The following SPNS3 variants were observed in gnomAD, a reference collection of about 807,000 sequenced individuals.
The protein encoded by SPNS3 is SPNS lysolipid transporter 3, sphingosine-1-phosphate (putative), also known as protein spinster homolog 3.
In SPNS3, 51 loss-of-function variants were observed where a neutral mutation model predicts 54.4. The observed-to-expected ratio is 0.94, with a 90% CI of 0.75 to 1.18. SPNS3 has a LOEUF of 1.18. SPNS3 is among the 50% of genes most tolerant of loss of function. SPNS3 has a pLI of 0.00. For missense variants in SPNS3, 669 were observed against 677.4 expected (o/e 0.99, Z 0.14); for synonymous variants, 309 against 294.7 (o/e 1.05, Z -0.50).
chr17:4,438,859 G>A (rs1368250792), intron 1 of SPNS3, among the ~76,000 whole-genome samples: 2 of 152,142 alleles, frequency 1.3e-5, no homozygotes, highest in African/African-American at 4.8e-5. Context: ...CAGGCCTCTG[G>A]GTGCACATCT....
chr17:4,455,233 G>A (rs924804442), intron 8 of SPNS3, among the ~76,000 whole-genome samples: 14 of 152,150 alleles, frequency 9.2e-5, no homozygotes, highest in Middle Eastern at 3.2e-3. Context: ...GCTTCTATCC[G>A]GACCAGAAAA....
At chr17:4,445,897 G>A in intron 3 of SPNS3, 151 bp from the exon 4 acceptor site, 2 of 831,848 alleles carry the variant, frequency 2.4e-6, no homozygotes, top group Non-Finnish European at 3.5e-6. Flanking sequence ...TTGGGAACCT[G>A]GAGTGGAGAG....
intron 9 of SPNS3, chr17:4,485,114 C>T (rs1972276359): frequency 6.6e-6 from 1 of 152,140 alleles, no homozygotes; most frequent in Non-Finnish European, 1.5e-5. Flanking sequence ...CCAGCTGGAC[C>T]AGAGAGTGGA....
chr17:4,436,692 T>C (rs930376147), intron 1 of SPNS3, among the ~76,000 whole-genome samples: 3 of 152,206 alleles, frequency 2.0e-5, no homozygotes, highest in Non-Finnish European at 2.9e-5. Context: ...ACAGAGCTTC[T>C]TGGGTGCCAG....
intron 9 of SPNS3, among the ~76,000 whole-genome samples, chr17:4,485,440 C>T (rs1972286401): frequency 6.6e-6 from 1 of 151,360 alleles, no homozygotes; most frequent in Non-Finnish European, 1.5e-5. Context: ...TCTTGTTGCC[C>T]AGGTTGGATT....
At chr17:4,444,954 C>A in intron 2 of SPNS3, 78 bp from the exon 3 acceptor site, 1 of 1,521,180 alleles carries the variant, frequency 6.6e-7, no homozygotes, top group South Asian at 1.3e-5. Context: ...GAGTCAGGCT[C>A]CTTCCCTGGG....
At chr17:4,477,298 G>A (rs1272366485) in intron 8 of SPNS3, among the ~76,000 whole-genome samples, 2 of 152,230 alleles carry the variant, frequency 1.3e-5, no homozygotes, top group African/African-American at 2.4e-5. Context: ...TCACAAGAGA[G>A]GACAGGGCTG....
intron 8 of SPNS3, among the ~76,000 whole-genome samples, chr17:4,466,864 C>CAT (rs1971690044): frequency 6.6e-6 from 1 of 151,894 alleles, no homozygotes; most frequent in Non-Finnish European, 1.5e-5. Context: ...CAAACAAACA[C>CAT]CATAGTATGT....
At chr17:4,440,037 C>A (rs538594913) in intron 2 of SPNS3, among the ~76,000 whole-genome samples, 2 of 152,222 alleles carry the variant, frequency 1.3e-5, no homozygotes, top group South Asian at 2.1e-4. Context: ...CAGCGGTGCA[C>A]CAGAGGCTTG....
rs1970655848 is a variant in SPNS3, at chr17:4,434,160, A to G, written c.193A>G (p.Ile65Val). The G allele has an allele frequency of 3.1e-6, 5 of 1,608,938 alleles. No individual in the cohort carries two copies. The African/African-American group carries it at 6.7e-5, about 22-fold the overall frequency. The change falls in exon 1 of 12, where the codon ATT becomes GTT. Residue 65 changes from isoleucine (I) to valine (V), a missense_variant. Ile to Val is a conservative substitution (Grantham distance 29). Transcript: ENST00000355530. ...NLLNYMNWFI[I>V]AGVLLDIQEV... Reference sequence around the variant, plus strand: ...CCTGAATTACATGAACTGGTTCATCATTGCAGGTGAGGAGGGGATGGCTAC... The same window carrying G: ...CCTGAATTACATGAACTGGTTCATCGTTGCAGGTGAGGAGGGGATGGCTAC...
chr17:4,435,008 T>A (rs920239060), intron 1 of SPNS3, among the ~76,000 whole-genome samples: 2 of 147,052 alleles, frequency 1.4e-5, no homozygotes, highest in African/African-American at 2.5e-5. Context: ...TTGCCGTGTA[T>A]GCCAGGCTGT....
chr17:4,438,145 A>G (rs1970761130), intron 1 of SPNS3, among the ~76,000 whole-genome samples: 1 of 152,084 alleles, frequency 6.6e-6, no homozygotes, highest in East Asian at 1.9e-4. Context: ...TGCATGGGGC[A>G]GCTCTTAGAG....
At position 4,488,072 on chromosome 17, in the gene SPNS3, A is replaced by G; in HGVS notation, c.*178A>G. The G allele has an allele frequency of 1.6e-6, 1 of 624,696 alleles. No homozygotes were observed. The highest frequency in any genetic ancestry group is 2.8e-6 in the Non-Finnish European group (1 of 355,616). 38.7% of individuals were successfully genotyped at this position (624,696 alleles called of 1,614,324 possible). ...CTGGGCTGGGAATGGAGCTGTCAGC[A>G]CTCTGCGTGGGAGGCCTGGGCCTGT... On this transcript the variant is annotated 3_prime_UTR_variant, in exon 12 of 12. Coordinates refer to ENST00000355530, the MANE Select transcript of SPNS3 (RefSeq NM_182538.5).
intron 8 of SPNS3, among the ~76,000 whole-genome samples, chr17:4,455,940 G>A (rs1464976895): frequency 1.3e-5 from 2 of 151,792 alleles, no homozygotes; most frequent in East Asian, 3.9e-4. Flanking sequence ...AGTGTCACCT[G>A]AAGCCCCTCA....
At chr17:4,462,751 A>AC (rs1971561681) in intron 8 of SPNS3, among the ~76,000 whole-genome samples, 2 of 128,566 alleles carry the variant, frequency 1.6e-5, no homozygotes, top group African/African-American at 6.6e-5. Flanking sequence ...CCATCCATCC[A>AC]CCAATCCATC....
At chr17:4,448,562 C>T (rs756027672) in intron 6 of SPNS3, among the ~76,000 whole-genome samples, 1 of 152,246 alleles carries the variant, frequency 6.6e-6, no homozygotes, top group Non-Finnish European at 1.5e-5. Flanking sequence ...TCCCTCTGCC[C>T]TGCCCATAAG....
Position 4,439,736 on chromosome 17 carries a change from C to A in SPNS3, c.265+13C>A, listed in dbSNP as rs778275652. 4.4e-6 allele frequency: 7 copies of A among 1,609,138 alleles called. No homozygotes were observed. In the South Asian group the frequency reaches 7.8e-5, roughly 18 times the overall value. ...TTGCTTCAGACTGGTAAGGAGGAGC[C>A]CTGGCTCTGGAGCCGGGGCCCTGGG... On this transcript the variant is annotated intron_variant, in intron 2 of 11. Coordinates refer to ENST00000355530, the MANE Select transcript of SPNS3 (RefSeq NM_182538.5).
intron 9 of SPNS3, chr17:4,482,183 T>A (rs909979900): frequency 6.6e-6 from 1 of 152,274 alleles, no homozygotes. Context: ...ACTGCGCCTG[T>A]CCAGGACACT....
At chr17:4,462,757 CCA>C (rs1567566678) in intron 8 of SPNS3, among the ~76,000 whole-genome samples, 883 of 38,244 alleles carry the variant, frequency 0.023, 43 homozygotes, top group African/African-American at 0.085. Flanking sequence ...ATCCACCAAT[CCA>C]TCCATCCATC....
Sources: gnomAD v4.1 joint callset for allele counts (sites outside exome capture counted in the v4.1 genomes callset) on GRCh38, gnomAD v4.1.1 for gene constraint, MANE v1.5 for transcripts, NCBI Gene and HGNC (gene_info 2026-07-23, HGNC 2026-07-21) for gene names.